UGT1A9: variants seen among roughly 807,000 people sequenced by gnomAD.
The protein encoded by UGT1A9 is UDP-glucuronosyltransferase 1A9.
UGT1A9 carries 35 observed loss-of-function variants against 45.0 expected under a neutral mutation model. That is an observed-to-expected ratio of 0.78 (90% CI 0.59 to 1.03). UGT1A9 has a LOEUF of 1.03. Among genes scored for constraint, UGT1A9 ranks in the 50% least tolerant of loss-of-function variants. UGT1A9 has a pLI of 0.00. For synonymous variants in UGT1A9, 278 were observed against 250.6 expected (o/e 1.11, Z -1.03); for missense variants, 687 against 666.6 (o/e 1.03, Z -0.34).
Position 233,672,249 on chromosome 2 carries a change from A to G in UGT1A9, c.315A>G (p.Ile105Met). 6.2e-7 allele frequency: 1 copy of G among 1,614,208 alleles called. No individual in the cohort carries two copies. Among genetic ancestry groups the G allele is most frequent in the Non-Finnish European group, 8.5e-7 (1 of 1,180,022 alleles). ...HAQWKAQVRS[I>M]YSLLMGSYND... ...AATGGAAAGCACAAGTACGAAGTAT[A>G]TATTCTCTATTAATGGGTTCATACA... The change falls in exon 1 of 5, where the codon ATA becomes ATG. Residue 105 changes from isoleucine to methionine, a missense_variant. Ile to Met is a conservative substitution (Grantham distance 10, BLOSUM62 1). Transcript: ENST00000354728.
chr2:233,718,785 G>T (rs544842461), intron 1 of UGT1A9: 1 of 1,612,968 alleles, frequency 6.2e-7, no homozygotes, highest in South Asian at 1.1e-5. Context: ...GGCACAGCGT[G>T]GGGTGGACAG....
intron 1 of UGT1A9, among the ~76,000 whole-genome samples, chr2:233,727,594 G>A (rs2077631064): frequency 6.6e-6 from 1 of 152,304 alleles, no homozygotes; most frequent in African/African-American, 2.4e-5. Flanking sequence ...GTTTTAAGGG[G>A]GTTGGAGGAA....
chr2:233,744,073 C>G, intron 1 of UGT1A9: 1 of 475,704 alleles, frequency 2.1e-6, no homozygotes, highest in Non-Finnish European at 3.5e-6. Context: ...ATGAGCGCCT[C>G]GCATCCCAAG....
chr2:233,739,386 C>A (rs1247379490), intron 1 of UGT1A9, among the ~76,000 whole-genome samples: 2 of 152,188 alleles, frequency 1.3e-5, no homozygotes, highest in East Asian at 3.9e-4. Flanking sequence ...CCTGGAAGAG[C>A]CACAGACATC....
chr2:233,764,444 A>G (rs1698561692), intron 1 of UGT1A9, among the ~76,000 whole-genome samples: 2 of 152,188 alleles, frequency 1.3e-5, no homozygotes, highest in African/African-American at 4.8e-5. Context: ...CTTTTGTGCC[A>G]TTTAAACTTT....
rs529035115 is a variant in UGT1A9 at position 233,718,838 on chromosome 2, G to T, written c.855+46049G>T. The T allele has an allele frequency of 2.5e-6, 4 of 1,613,656 alleles. No individual in the cohort carries two copies. The South Asian group carries it at 4.4e-5, about 18-fold the overall frequency. ...CTGCTGAGATGGCCAGAGGACTCCA[G>T]GTTCCCCTGCCGCGGCTGGCCACAG... On this transcript the variant is annotated intron_variant, in intron 1 of 4. Coordinates refer to ENST00000354728, the MANE Select transcript of UGT1A9 (RefSeq NM_021027.3).
chr2:233,694,793 A>C (rs6761246), intron 1 of UGT1A9, among the ~76,000 whole-genome samples: 98,206 of 152,078 alleles, frequency 0.65, 32,213 homozygotes, highest in African/African-American at 0.73. Flanking sequence ...GATAACTGAA[A>C]TGGTTCCAGG....
intron 1 of UGT1A9, among the ~76,000 whole-genome samples, chr2:233,726,967 G>T (rs1400134709): frequency 6.6e-6 from 1 of 152,088 alleles, no homozygotes; most frequent in African/African-American, 2.4e-5. Flanking sequence ...AAGAGCAAAA[G>T]TTTTAGATTT....
chr2:233,711,299 T>C (rs2076172959), intron 1 of UGT1A9, among the ~76,000 whole-genome samples: 1 of 152,116 alleles, frequency 6.6e-6, no homozygotes, highest in South Asian at 2.1e-4. Context: ...GAGTAGAAAT[T>C]AGATGACATT....
chr2:233,771,661 T>C (rs899762223), intron 4 of UGT1A9: 2 of 152,426 alleles, frequency 1.3e-5, no homozygotes, highest in African/African-American at 4.8e-5. Context: ...TAATGAAATT[T>C]CTCACAAAAT....
chr2:233,753,697 A>G (rs1238167644), intron 1 of UGT1A9: 1 of 152,206 alleles, frequency 6.6e-6, no homozygotes, highest in African/African-American at 2.4e-5. Flanking sequence ...TTACAGATGC[A>G]CTTGGCTTTC....
chr2:233,768,119 T>G, intron 3 of UGT1A9, 101 bp from the exon 4 acceptor site: 4 of 1,600,008 alleles, frequency 2.5e-6, no homozygotes, highest in Non-Finnish European at 3.4e-6. Flanking sequence ...CAAGGGCATG[T>G]GAGTAACACT....
At chr2:233,725,989 G>C (rs2077488479) in intron 1 of UGT1A9, among the ~76,000 whole-genome samples, 1 of 152,034 alleles carries the variant, frequency 6.6e-6, no homozygotes, top group African/African-American at 2.4e-5. Context: ...AACGTGCTGA[G>C]ACTGCATCTC....
rs181001855 is a variant in UGT1A9, at chr2:233,700,720, A to T, written c.855+27931A>T. Among the ~76,000 whole-genome samples, 157 of 151,936 alleles carry T rather than the reference A, an allele frequency of 1.0e-3. 1 individual carries two copies. Among genetic ancestry groups the T allele is most frequent in the African/African-American group, 3.4e-3 (142 of 41,440 alleles). On this transcript the variant is annotated intron_variant, in intron 1 of 4. Transcript: ENST00000354728. ...ACTTTGAATGTTTTTTTCTTTTTTT[A>T]AAAATTTTATTATTATTATACTTTA...
intron 1 of UGT1A9, chr2:233,729,832 T>C: frequency 6.2e-7 from 1 of 1,613,940 alleles, no homozygotes; most frequent in Non-Finnish European, 8.5e-7. Flanking sequence ...AAGCCTTGCC[T>C]CTGAGCTTTT....
At chr2:233,747,254 C>A in intron 1 of UGT1A9, 1 of 1,600,766 alleles carries the variant, frequency 6.2e-7, no homozygotes, top group Admixed American at 1.7e-5. Flanking sequence ...TGGCTGGCCA[C>A]AGGAGTGCTA....
At chr2:233,738,140 C>T (rs975001541) in intron 1 of UGT1A9, among the ~76,000 whole-genome samples, 3 of 152,224 alleles carry the variant, frequency 2.0e-5, no homozygotes, top group African/African-American at 7.2e-5. Context: ...CTTATCCCTT[C>T]ACTTGCAAGC....
At chr2:233,714,093 T>C (rs1575506008) in intron 1 of UGT1A9, among the ~76,000 whole-genome samples, 1 of 152,008 alleles carries the variant, frequency 6.6e-6, no homozygotes, top group East Asian at 1.9e-4. Context: ...TGTCAAAGGA[T>C]GGGCAAGAGT....
intron 1 of UGT1A9, chr2:233,719,739 A>C (rs758565863): frequency 2.9e-5 from 46 of 1,613,226 alleles, no homozygotes; most frequent in Middle Eastern, 1.8e-4. Flanking sequence ...ACACTTTTTA[A>C]AAAATGTATT....
Sources: gnomAD v4.1 joint callset for allele counts (sites outside exome capture counted in the v4.1 genomes callset) on GRCh38, gnomAD v4.1.1 for gene constraint, MANE v1.5 for transcripts, NCBI Gene and HGNC (gene_info 2026-07-23, HGNC 2026-07-21) for gene names.